CYRIA: variants seen among roughly 807,000 people sequenced by gnomAD.
CYRIA encodes the protein CYFIP-related Rac1 interactor A.
CYRIA carries 15 observed loss-of-function variants against 43.9 expected under a neutral mutation model. The observed-to-expected ratio is 0.34, with a 90% CI of 0.23 to 0.53. CYRIA has a LOEUF of 0.53. Ranked by LOEUF, CYRIA falls within the 20% of genes least tolerant of loss-of-function variation. The pLI, the probability that CYRIA is intolerant of heterozygous loss-of-function variation, is 0.94. For synonymous variants in CYRIA, 117 were observed against 136.0 expected (o/e 0.86, Z 0.97); for missense variants, 236 against 394.2 (o/e 0.60, Z 3.40).
At chr2:16,631,780 A>G (rs1015618436) in intron 1 of CYRIA, among the ~76,000 whole-genome samples, 9 of 152,206 alleles carry the variant, frequency 5.9e-5, no homozygotes, top group African/African-American at 2.2e-4. Context: ...TATGTTACAG[A>G]GGTTCTAGGC....
At chr2:16,629,656 T>C (rs1001181685) in intron 1 of CYRIA, among the ~76,000 whole-genome samples, 3 of 152,186 alleles carry the variant, frequency 2.0e-5, no homozygotes, top group African/African-American at 7.2e-5. Context: ...CGTGCAGGGC[T>C]CTGGGCCCTC....
intron 1 of CYRIA, among the ~76,000 whole-genome samples, chr2:16,646,461 AGAGAAGCT>A (rs1669823496): frequency 6.6e-6 from 1 of 152,222 alleles, no homozygotes; most frequent in African/African-American, 2.4e-5. Flanking sequence ...TCAGGAATCT[AGAGAAGCT>A]GATCAGTGCA....
intron 1 of CYRIA, among the ~76,000 whole-genome samples, chr2:16,660,356 C>T (rs1282859888): frequency 6.6e-6 from 1 of 152,166 alleles, no homozygotes; most frequent in Non-Finnish European, 1.5e-5. Context: ...TTTCGTGCTC[C>T]CTCTCTATGC....
At chr2:16,605,358 G>A (rs1017991572) in intron 2 of CYRIA, among the ~76,000 whole-genome samples, 1 of 152,228 alleles carries the variant, frequency 6.6e-6, no homozygotes, top group Admixed American at 6.5e-5. Flanking sequence ...AAATGCTAGT[G>A]ACATGGAAGC....
intron 10 of CYRIA, among the ~76,000 whole-genome samples, chr2:16,558,503 A>G (rs1666609044): frequency 6.6e-6 from 1 of 152,110 alleles, no homozygotes; most frequent in South Asian, 2.1e-4. Context: ...GTAAGTTACT[A>G]CCAAGAGATG....
rs1417901837 is a variant in CYRIA, at chr2:16,561,444, C to G, written c.513+12G>C. On this transcript the variant is annotated intron_variant, in intron 7 of 11. Coordinates refer to ENST00000381323, the MANE Select transcript of CYRIA (RefSeq NM_030797.4). ...AGAAGGGTGCAAAGGTCAAGGCGACCCAGGGACTCACGTGCATGTTGTTGA... is the reference window on the plus strand; with the variant it reads ...AGAAGGGTGCAAAGGTCAAGGCGACGCAGGGACTCACGTGCATGTTGTTGA... The G allele has an allele frequency of 1.3e-5, 21 of 1,612,984 alleles. No homozygotes were observed. Among genetic ancestry groups the G allele is most frequent in the Non-Finnish European group, 1.5e-5 (18 of 1,179,194 alleles).
chr2:16,635,167 G>A (rs1479426473), intron 1 of CYRIA, among the ~76,000 whole-genome samples: 1 of 152,206 alleles, frequency 6.6e-6, no homozygotes, highest in Non-Finnish European at 1.5e-5. Flanking sequence ...TGAGGTAGAT[G>A]TGGTGCTACT....
intron 1 of CYRIA, among the ~76,000 whole-genome samples, chr2:16,632,079 G>T (rs553910347): frequency 1.3e-5 from 2 of 152,176 alleles, no homozygotes; most frequent in Non-Finnish European, 1.5e-5. Flanking sequence ...TGGGTGTTCC[G>T]TAGAGACCAC....
chr2:16,660,658 A>G (rs1670229005), intron 1 of CYRIA, among the ~76,000 whole-genome samples: 1 of 152,172 alleles, frequency 6.6e-6, no homozygotes, highest in Non-Finnish European at 1.5e-5. Context: ...TTTATGCTTG[A>G]TCCATCGTAA....
At chr2:16,623,592 T>C (rs1430981380) in intron 2 of CYRIA, among the ~76,000 whole-genome samples, 6 of 152,140 alleles carry the variant, frequency 3.9e-5, no homozygotes, top group Non-Finnish European at 8.8e-5. Flanking sequence ...ACTAAATGAT[T>C]CTGCAAGGAA....
In CYRIA at chr2:16,633,035, C is replaced by T. The variant is rs147992508; in HGVS notation, c.-166-9016G>A. ...TAAGATTCCCCACAGAAACTGACTACAGGAAAATGCAGTTTCCATGTGAGA... is the reference window on the plus strand; with the variant it reads ...TAAGATTCCCCACAGAAACTGACTATAGGAAAATGCAGTTTCCATGTGAGA... On this transcript the variant is annotated intron_variant, in intron 1 of 11. Coordinates refer to ENST00000381323, the MANE Select transcript of CYRIA (RefSeq NM_030797.4). 6.5e-3 allele frequency among the ~76,000 whole-genome samples: 994 copies of T among 152,318 alleles called. 6 individuals carry two copies. The highest frequency in any genetic ancestry group is 0.011 in the Non-Finnish European group (721 of 68,028).
At chr2:16,630,420 A>G (rs924861978) in intron 1 of CYRIA, among the ~76,000 whole-genome samples, 4 of 152,126 alleles carry the variant, frequency 2.6e-5, no homozygotes, top group African/African-American at 7.2e-5. Flanking sequence ...AACCAGAACA[A>G]GAGCCCAGAT....
At chr2:16,649,587 G>C (rs1558442314) in intron 1 of CYRIA, among the ~76,000 whole-genome samples, 1 of 151,970 alleles carries the variant, frequency 6.6e-6, no homozygotes, top group Non-Finnish European at 1.5e-5. Flanking sequence ...CAGTACAGTG[G>C]ATGGTTGTAC....
intron 5 of CYRIA, 114 bp downstream of exon 5, chr2:16,563,875 T>C: frequency 1.5e-6 from 1 of 668,466 alleles, no homozygotes; most frequent in Non-Finnish European, 2.5e-6. Context: ...TCTCATTTGA[T>C]ACAGTGGATG....
chr2:16,581,234 T>C (rs1232901110), intron 3 of CYRIA, among the ~76,000 whole-genome samples: 2 of 152,118 alleles, frequency 1.3e-5, no homozygotes, highest in Non-Finnish European at 2.9e-5. Context: ...CAATAAAGAA[T>C]TCCTACAATT....
intron 3 of CYRIA, among the ~76,000 whole-genome samples, chr2:16,583,860 T>G (rs1667635576): frequency 6.6e-6 from 1 of 152,184 alleles, no homozygotes; most frequent in African/African-American, 2.4e-5. Context: ...GTATATAGAA[T>G]GCACTGTAAA....
intron 3 of CYRIA, among the ~76,000 whole-genome samples, chr2:16,581,936 C>CA (rs1035571122): frequency 2.4e-4 from 36 of 152,162 alleles, no homozygotes; most frequent in African/African-American, 8.4e-4. Context: ...GAAAAACATA[C>CA]AAAAAAGCAT....
rs1312710419 is a variant in CYRIA at position 16,613,430 on chromosome 2, T to C, written c.-11+10434A>G. On this transcript the variant is annotated intron_variant, in intron 2 of 11. Transcript: ENST00000381323. ...CTTCATCTAAATCAAATTCTCATGA[T>C]CCGATAACTACACTAACAGCAGCCA... Among the ~76,000 whole-genome samples, 3 of 152,176 alleles carry C rather than the reference T, an allele frequency of 2.0e-5. No homozygotes were observed. The East Asian group carries it at 5.8e-4, about 29-fold the overall frequency.
intron 1 of CYRIA, among the ~76,000 whole-genome samples, chr2:16,644,825 A>G (rs1317281505): frequency 6.6e-6 from 1 of 152,130 alleles, no homozygotes; most frequent in East Asian, 1.9e-4. Flanking sequence ...ATAAGAAGAA[A>G]ATAGAGCAGA....
Sources: allele counts gnomAD v4.1 joint callset (sites outside exome capture counted in the v4.1 genomes callset), GRCh38; gene constraint gnomAD v4.1.1; transcripts MANE v1.5; gene names NCBI Gene and HGNC (gene_info 2026-07-23, HGNC 2026-07-21).